DSCAM: variants seen among roughly 807,000 people sequenced by gnomAD.
The protein encoded by DSCAM is cell adhesion molecule DSCAM.
DSCAM carries 47 observed loss-of-function variants against 217.7 expected under a neutral mutation model. That is an observed-to-expected ratio of 0.22 (90% CI 0.17 to 0.28). The LOEUF (loss-of-function observed/expected upper bound fraction) is 0.28, where lower values mean the gene tolerates loss of function less well. Ranked by LOEUF, DSCAM falls within the 10% of genes least tolerant of loss-of-function variation. The pLI, the probability that DSCAM is intolerant of heterozygous loss-of-function variation, is 1.00. For synonymous variants in DSCAM, 1,056 were observed against 1,015.3 expected (o/e 1.04, Z -0.76); for missense variants, 2,080 against 2,618.3 (o/e 0.79, Z 4.49).
intron 3 of DSCAM, among the ~76,000 whole-genome samples, chr21:40,540,063 C>T (rs962264900): frequency 4.6e-5 from 7 of 152,204 alleles, no homozygotes; most frequent in Admixed American, 3.3e-4. Flanking sequence ...TTTATTTTCA[C>T]GTATGATCCA....
At chr21:40,667,534 A>G (rs1328069585) in intron 3 of DSCAM, among the ~76,000 whole-genome samples, 1 of 152,186 alleles carries the variant, frequency 6.6e-6, no homozygotes, top group Admixed American at 6.5e-5. Context: ...ATGCCTCTTG[A>G]TATGGCTTGG....
intron 26 of DSCAM, 53 bp downstream of exon 26, chr21:40,078,634 C>G: frequency 6.3e-7 from 1 of 1,578,342 alleles, no homozygotes; most frequent in Non-Finnish European, 8.6e-7. Context: ...GCAGGGCCCA[C>G]GTGCACATCC....
chr21:40,107,674 C>A (rs114107246), intron 20 of DSCAM, among the ~76,000 whole-genome samples: 1 of 152,018 alleles, frequency 6.6e-6, no homozygotes, highest in Non-Finnish European at 1.5e-5. Flanking sequence ...GCTTTATGAA[C>A]CTGGGTGCTC....
At chr21:40,358,414 A>C (rs2074719285) in intron 4 of DSCAM, among the ~76,000 whole-genome samples, 1 of 152,210 alleles carries the variant, frequency 6.6e-6, no homozygotes, top group Admixed American at 6.5e-5. Flanking sequence ...TTTTAGAAGA[A>C]AACATAGGGA....
chr21:40,059,030 G>C (rs1021318627), intron 28 of DSCAM, among the ~76,000 whole-genome samples: 1 of 152,186 alleles, frequency 6.6e-6, no homozygotes, highest in African/African-American at 2.4e-5. Flanking sequence ...TCCCAGCTTA[G>C]CCAATCAATT....
rs1056701805 is a variant in DSCAM at position 40,299,768 on chromosome 21, G to C, written c.2063-3594C>G. Among the ~76,000 whole-genome samples, 2 of 151,918 alleles carry C rather than the reference G, an allele frequency of 1.3e-5. 1 individual carries two copies. The highest frequency in any genetic ancestry group is 1.3e-4 in the Admixed American group (2 of 15,260). On this transcript the variant is annotated intron_variant, in intron 9 of 32. Transcript: ENST00000400454. ...CATATGAGAATGACCATTATCCCTA[G>C]GGACAACAAAGTTCCCAATTTTTTA...
At chr21:40,167,770 A>G (rs958874805) in intron 15 of DSCAM, among the ~76,000 whole-genome samples, 1 of 152,190 alleles carries the variant, frequency 6.6e-6, no homozygotes, top group East Asian at 1.9e-4. Flanking sequence ...TTGTTCTTCA[A>G]TTAAAAACCC....
chr21:40,454,148 T>C (rs2075744504), intron 3 of DSCAM, among the ~76,000 whole-genome samples: 1 of 152,218 alleles, frequency 6.6e-6, no homozygotes, highest in Non-Finnish European at 1.5e-5. Flanking sequence ...AGGGCAATTT[T>C]CTCTTTTTTC....
At chr21:40,214,641 A>G (rs1255317825) in intron 11 of DSCAM, among the ~76,000 whole-genome samples, 1 of 151,964 alleles carries the variant, frequency 6.6e-6, no homozygotes, top group Non-Finnish European at 1.5e-5. Flanking sequence ...GACTACAGGT[A>G]AAGGGTGGAA....
At chr21:40,352,585 G>C (rs1365129430) in intron 5 of DSCAM, among the ~76,000 whole-genome samples, 2 of 152,146 alleles carry the variant, frequency 1.3e-5, no homozygotes, top group Non-Finnish European at 2.9e-5. Flanking sequence ...TGGGTGGGGA[G>C]GAGGAAGTAA....
intron 11 of DSCAM, among the ~76,000 whole-genome samples, chr21:40,236,837 T>C (rs1019187428): frequency 9.9e-5 from 15 of 152,164 alleles, no homozygotes; most frequent in African/African-American, 3.6e-4. Flanking sequence ...CTTACTAGTG[T>C]CTGAGAGGAG....
chr21:40,195,961 T>A (rs1041871002), intron 11 of DSCAM, among the ~76,000 whole-genome samples: 2 of 152,246 alleles, frequency 1.3e-5, no homozygotes, highest in African/African-American at 4.8e-5. Context: ...GTGTTTTCTT[T>A]GTTATCAAGA....
chr21:40,254,456 C>T (rs1321077340), intron 11 of DSCAM, among the ~76,000 whole-genome samples: 2 of 152,206 alleles, frequency 1.3e-5, no homozygotes, highest in African/African-American at 2.4e-5. Flanking sequence ...TTTTCTGACG[C>T]ATACAAAATG....
chr21:40,620,073 A>AGAAAGAG lies in DSCAM; in HGVS notation c.508+72736_508+72737insCTCTTTC, dbSNP rs1601794961. On this transcript the variant is annotated intron_variant, in intron 3 of 32. Transcript: ENST00000400454. ...AAAAAGAAAAAGAAAGAAAGAGAGA[A>AGAAAGAG]AGAGAAAAAAGAAAGAGAGAGAAAG... Among the ~76,000 whole-genome samples, 7 of 68,614 alleles carry AGAAAGAG rather than the reference A, an allele frequency of 1.0e-4. 1 individual carries two copies. The highest frequency in any genetic ancestry group is 1.2e-3 in the East Asian group (2 of 1,704). The allele number at this position is 68,614 out of a possible 152,430, so 45.0% of individuals were successfully genotyped here.
chr21:40,617,675 G>A (rs1245106075), intron 3 of DSCAM, among the ~76,000 whole-genome samples: 1 of 152,208 alleles, frequency 6.6e-6, no homozygotes, highest in East Asian at 1.9e-4. Context: ...CACACTAAAT[G>A]CCAGCAGCTC....
intron 3 of DSCAM, among the ~76,000 whole-genome samples, chr21:40,584,729 C>T (rs140738315): frequency 1.3e-5 from 2 of 152,224 alleles, no homozygotes; most frequent in Non-Finnish European, 2.9e-5. Flanking sequence ...GTCCAGGAAG[C>T]GCTGTAGGTG....
chr21:40,841,727 C>T (rs2092103413), intron 1 of DSCAM, among the ~76,000 whole-genome samples: 1 of 152,214 alleles, frequency 6.6e-6, no homozygotes, highest in South Asian at 2.1e-4. Flanking sequence ...GAGCTGCTCC[C>T]GGAGCTGCCA....
At chr21:40,423,826 T>A (rs1367314307) in intron 3 of DSCAM, among the ~76,000 whole-genome samples, 1 of 150,440 alleles carries the variant, frequency 6.6e-6, no homozygotes, top group African/African-American at 2.5e-5. Flanking sequence ...ATGAATGGCA[T>A]TTCATAGATG....
At chr21:40,767,483 C>CT (rs1035198484) in intron 1 of DSCAM, among the ~76,000 whole-genome samples, 6 of 152,132 alleles carry the variant, frequency 3.9e-5, no homozygotes, top group African/African-American at 1.4e-4. Context: ...TGCCCATTTT[C>CT]TTTTTTAGCG....
Sources: allele counts gnomAD v4.1 joint callset (sites outside exome capture counted in the v4.1 genomes callset), GRCh38; gene constraint gnomAD v4.1.1; transcripts MANE v1.5; gene names NCBI Gene and HGNC (gene_info 2026-07-23, HGNC 2026-07-21).